TTC9B: variants seen among roughly 807,000 people sequenced by gnomAD.
TTC9B encodes tetratricopeptide repeat protein 9B.
Under a neutral mutation model 19.4 loss-of-function variants are expected in TTC9B, and 12 were observed. The observed-to-expected ratio is 0.62, with a 90% CI of 0.40 to 1.00. The LOEUF (loss-of-function observed/expected upper bound fraction) is 1.00. Ranked by LOEUF, TTC9B falls within the 50% of genes least tolerant of loss-of-function variation. TTC9B has a pLI of 0.00. For synonymous variants in TTC9B, 156 were observed against 158.6 expected (o/e 0.98, Z 0.12); for missense variants, 316 against 345.2 (o/e 0.92, Z 0.67).
intron 2 of TTC9B, chr19:40,216,880 T>G: frequency 4.0e-6 from 2 of 499,522 alleles, no homozygotes; most frequent in East Asian, 3.3e-5. Context: ...AGTGGGTGGA[T>G]AGGGAAGTGA....
At position 40,217,198 on chromosome 19, in the gene TTC9B, C is replaced by G. The variant is rs1456843600; in HGVS notation, c.599G>C (p.Arg200Pro). ...GCCCCGCCACTCACCTGTGGGTTCC[C>G]GGCTGCGGGCCTCCTGCAGGTAGCG... ...ALRYLQEARS[R>P]EPTDTNVLRY... The change falls in exon 2 of 3, where the codon CGG becomes CCG. Residue 200 changes from arginine (R) to proline (P), a missense_variant. Arg to Pro is a moderately radical substitution (Grantham distance 103). Transcript: ENST00000311308. The G allele has an allele frequency of 2.5e-6, 4 of 1,612,168 alleles. No individual in the cohort carries two copies. Among genetic ancestry groups the G allele is most frequent in the South Asian group, 1.1e-5 (1 of 90,858 alleles).
chr19:40,218,320 C>G lies in TTC9B; in HGVS notation c.62G>C (p.Arg21Pro). Reference sequence around the variant, plus strand: ...CGGTGGGGAGAGGGCGGGAGGCGGGCGCGGCGGAGGCTCCGGGGCAGCGCT... The same window carrying G: ...CGGTGGGGAGAGGGCGGGAGGCGGGGGCGGCGGAGGCTCCGGGGCAGCGCT... ...MLSAAPEPPP[R>P]PPPALSPPGS... The change falls in exon 1 of 3, where the codon CGC (arginine) becomes CCC (proline). Residue 21 changes from arginine (R) to proline (P), a missense_variant. By Grantham distance (103) the Arg-to-Pro change is moderately radical. Transcript: ENST00000311308. The surrounding 1 kb of genome is among the most constrained non-coding windows in gnomAD (Gnocchi z 4.2). 1 of 1,366,828 alleles carries G rather than the reference C, an allele frequency of 7.3e-7. No homozygotes were observed. The highest frequency in any genetic ancestry group is 1.5e-5 in the African/African-American group (1 of 65,284). 84.7% of individuals were successfully genotyped at this position (1,366,828 alleles called of 1,614,324 possible). A position where few individuals can be genotyped will look rare whatever the true frequency, so the allele number is the denominator to read the frequency against.
In TTC9B at chr19:40,218,094, CT is replaced by C; in HGVS notation, c.287del (p.Lys96ArgfsTer56). ...GKYHRALLQL[K>X]AAQGARPSGL... ...CGCTAGGGCGGGCCCCCTGCGCCGC[CT>C]TCAGCTGCAGCAGCGCTCGGTGGTA... On this transcript the variant is annotated frameshift_variant, in exon 1 of 3. Transcript: ENST00000311308. LOFTEE classifies it high-confidence loss of function. The surrounding 1 kb of genome is among the most constrained non-coding windows in gnomAD (Gnocchi z 4.2). 1.9e-6 allele frequency: 3 copies of C among 1,558,708 alleles called. No individual in the cohort carries two copies. Among genetic ancestry groups the C allele is most frequent in the Non-Finnish European group, 2.6e-6 (3 of 1,157,998 alleles).
chr19:40,216,222 A>C lies in TTC9B; in HGVS notation c.661T>G (p.Cys221Gly). 6.2e-7 allele frequency: 1 copy of C among 1,614,196 alleles called. No homozygotes were observed. The highest frequency in any genetic ancestry group is 8.5e-7 in the Non-Finnish European group (1 of 1,180,018). Residue 221 changes from cysteine (C) to glycine (G), a missense_variant, in exon 3 of 3, where the codon TGC becomes GGC. Transcript: ENST00000311308. ...CCACTGTCTTCCCGCTGGAGGCTGC[A>C]ACGATTCATCTTCAGCTGAGTCAGC... Reference protein sequence around the residue: ...IQLTQLKMNRCSLQREDSGAG... With the variant: ...IQLTQLKMNRGSLQREDSGAG...
intron 2 of TTC9B, chr19:40,216,860 T>G: frequency 2.1e-6 from 1 of 476,040 alleles, no homozygotes; most frequent in Non-Finnish European, 3.8e-6. Flanking sequence ...GACGGGGTAA[T>G]GGAGATGACA....
intron 1 of TTC9B, 30 bp downstream of exon 1, chr19:40,217,925 G>GGCCCCCCC: frequency 7.8e-7 from 1 of 1,285,386 alleles, no homozygotes; most frequent in Non-Finnish European, 1.0e-6. Flanking sequence ...CTCCCCTCGT[G>GGCCCCCCC]CCCCATCCCC....
chr19:40,217,613 G>T, intron 1 of TTC9B: 1 of 551,978 alleles, frequency 1.8e-6, no homozygotes, highest in South Asian at 2.8e-5. Flanking sequence ...AGAGCACTAA[G>T]GCCCCGCGCG....
chr19:40,217,803 C>A, intron 1 of TTC9B, 152 bp downstream of exon 1: 1 of 701,312 alleles, frequency 1.4e-6, no homozygotes, highest in Non-Finnish European at 2.2e-6. Context: ...TCCCCTACCC[C>A]TAATCCCTTT....
At chr19:40,217,068 C>G (rs1449787274) in intron 2 of TTC9B, 119 bp downstream of exon 2, 5 of 1,180,686 alleles carry the variant, frequency 4.2e-6, no homozygotes, top group Non-Finnish European at 4.7e-6. Context: ...TACCTAGAAG[C>G]AGCTCCGCGG....
intron 1 of TTC9B, 73 bp from the exon 2 acceptor site, chr19:40,217,442 GAGGCTCCAGGCGGC>G: frequency 6.5e-7 from 1 of 1,531,646 alleles, no homozygotes; most frequent in Non-Finnish European, 8.8e-7. Context: ...GCGAGGAGCC[GAGGCTCCAGGCGGC>G]AGGGAACCAG....
Position 40,217,952 on chromosome 19 carries a change from T to C in TTC9B, c.427+3A>G, listed in dbSNP as rs1437207828. On this transcript the variant is annotated splice_donor_region_variant and intron_variant, in intron 1 of 2. Transcript: ENST00000311308. ...CCCATCCCCCCACCCCCCGACGGCG[T>C]ACCCGTGAGGGAGTCGTAACACTCC... is the stretch of plus-strand genomic sequence containing the variant. The C allele has an allele frequency of 1.0e-6, 1 of 961,838 alleles. No homozygotes were observed. The highest frequency in any genetic ancestry group is 5.9e-5 in the East Asian group (1 of 17,094). 59.6% of individuals were successfully genotyped at this position (961,838 alleles called of 1,614,324 possible).
At position 40,218,074 on chromosome 19, in the gene TTC9B, G is replaced by C. The variant is rs757836033; in HGVS notation, c.308C>G (p.Pro103Arg). The C allele has an allele frequency of 5.1e-5, 78 of 1,542,858 alleles. No homozygotes were observed. Among genetic ancestry groups the C allele is most frequent in the Non-Finnish European group, 6.6e-5 (76 of 1,150,718 alleles). Residue 103 changes from proline to arginine, a missense_variant, in exon 1 of 3, where the codon CCT becomes CGT. Coordinates refer to ENST00000311308, the MANE Select transcript of TTC9B (RefSeq NM_152479.6). This position sits in a 1 kb window ranked among gnomAD's most constrained non-coding sequence, Gnocchi z 4.2. ...GGGGGCGGGGGCGGGCAGGCCGCTA[G>C]GGCGGGCCCCCTGCGCCGCCTTCAG... ...LQLKAAQGAR[P>R]SGLPAPAPGP...
intron 2 of TTC9B, chr19:40,216,850 G>T (rs535608534): frequency 4.6e-5 from 21 of 456,932 alleles, no homozygotes; most frequent in Middle Eastern, 5.9e-4. Flanking sequence ...GCAGGGGTGG[G>T]ACGGGGTAAT....
In TTC9B at chr19:40,218,084, C is replaced by A; in HGVS notation, c.298G>T (p.Gly100Trp). ...RALLQLKAAQGARPSGLPAPA... is the reference protein window; with the variant it reads ...RALLQLKAAQWARPSGLPAPA... Reference sequence around the variant, plus strand: ...GCGGGCAGGCCGCTAGGGCGGGCCCCCTGCGCCGCCTTCAGCTGCAGCAGC... The same window carrying A: ...GCGGGCAGGCCGCTAGGGCGGGCCCACTGCGCCGCCTTCAGCTGCAGCAGC... Residue 100 changes from glycine (G) to tryptophan (W), a missense_variant, in exon 1 of 3, where the codon GGG (glycine) becomes TGG (tryptophan). Transcript: ENST00000311308. The surrounding 1 kb of genome is among the most constrained non-coding windows in gnomAD (Gnocchi z 4.2). The A allele has an allele frequency of 6.4e-7, 1 of 1,551,268 alleles. No homozygotes were observed. The highest frequency in any genetic ancestry group is 1.2e-5 in the South Asian group (1 of 83,924).
intron 2 of TTC9B, chr19:40,216,962 G>C (rs371307966): frequency 1.4e-4 from 82 of 594,178 alleles, no homozygotes; most frequent in African/African-American, 1.3e-3. Flanking sequence ...AGATGTCAGA[G>C]GAGCGATAGG....
rs1466476087 is a variant in TTC9B, at chr19:40,217,977, C to T, written c.405G>A (p.Val135=). ...TACCCGTGAGGGAGTCGTAACACTC[C>T]ACCTCCGTGCTCTCCACCAGGCGCC... ...EQRRLVESTE[V]ECYDSLTACL... The change falls in exon 1 of 3, where the codon GTG becomes GTA. Residue 135 remains valine (V), a synonymous_variant. Transcript: ENST00000311308. 6.7e-7 allele frequency: 1 copy of T among 1,493,794 alleles called. No homozygotes were observed. Among genetic ancestry groups the T allele is most frequent in the Admixed American group, 2.2e-5 (1 of 45,536 alleles). 92.5% of individuals were successfully genotyped at this position (1,493,794 alleles called of 1,614,324 possible). A position where few individuals can be genotyped will look rare whatever the true frequency, so the allele number is the denominator to read the frequency against.
chr19:40,216,229 C>T lies in TTC9B; in HGVS notation c.654G>A (p.Met218Ile). The change falls in exon 3 of 3, where the codon ATG (methionine) becomes ATA (isoleucine). Residue 218 changes from methionine to isoleucine, a missense_variant. Met to Ile is a conservative substitution (Grantham distance 10). Transcript: ENST00000311308. Reference sequence around the variant, plus strand: ...CTTCCCGCTGGAGGCTGCAACGATTCATCTTCAGCTGAGTCAGCTGGATGT... The same window carrying T: ...CTTCCCGCTGGAGGCTGCAACGATTTATCTTCAGCTGAGTCAGCTGGATGT... ...LRYIQLTQLK[M>I]NRCSLQREDS... The T allele has an allele frequency of 6.2e-7, 1 of 1,614,208 alleles. No individual in the cohort carries two copies. The highest frequency in any genetic ancestry group is 2.2e-5 in the East Asian group (1 of 44,892).
intron 1 of TTC9B, 188 bp from the exon 2 acceptor site, chr19:40,217,557 A>C: frequency 1.4e-5 from 10 of 709,878 alleles, no homozygotes; most frequent in South Asian, 2.0e-5. Flanking sequence ...GCGCCAAAAC[A>C]CGGACAGGCG....
Position 40,218,262 on chromosome 19 carries a change from G to A in TTC9B, c.120C>T (p.Gly40=). 2 of 1,488,102 alleles carry A rather than the reference G, an allele frequency of 1.3e-6. No individual in the cohort carries two copies. The highest frequency in any genetic ancestry group is 1.8e-6 in the Non-Finnish European group (2 of 1,125,814). 92.2% of individuals were successfully genotyped at this position (1,488,102 alleles called of 1,614,324 possible). A position where few individuals can be genotyped will look rare whatever the true frequency, so the allele number is the denominator to read the frequency against. Residue 40 remains glycine, a synonymous_variant, in exon 1 of 3, where the codon GGC becomes GGT. Coordinates refer to ENST00000311308, the MANE Select transcript of TTC9B (RefSeq NM_152479.6). The surrounding 1 kb of genome is among the most constrained non-coding windows in gnomAD (Gnocchi z 4.2). ...GSGPGSGSRH[G]SARPGPTPEP... is the part of the protein sequence containing the mutation. The stretch of plus-strand genomic sequence containing the variant: ...CTGGGGTAGGACCGGGACGAGCCGA[G>A]CCATGGCGGGAGCCCGAGCCTGGGC...
Sources: allele counts gnomAD v4.1 joint callset, GRCh38; gene constraint gnomAD v4.1.1; non-coding constraint Gnocchi (gnomAD v3.1); transcripts MANE v1.5; gene names NCBI Gene and HGNC (gene_info 2026-07-23, HGNC 2026-07-21).